Variants in APBB1IP observed in about 807,000 individuals in gnomAD.
APBB1IP encodes the protein amyloid beta A4 precursor protein-binding family B member 1-interacting protein.
APBB1IP carries 27 observed loss-of-function variants against 64.9 expected under a neutral mutation model. The ratio of observed to expected loss-of-function variants is 0.42; its 90% confidence interval spans 0.31 to 0.57. The LOEUF (loss-of-function observed/expected upper bound fraction) is 0.57, where lower values mean the gene tolerates loss of function less well. Among genes scored for constraint, APBB1IP ranks in the 20% least tolerant of loss-of-function variants. The pLI, the probability that APBB1IP is intolerant of heterozygous loss-of-function variation, is 0.20. For missense variants in APBB1IP, 812 were observed against 845.5 expected (o/e 0.96, Z 0.49); for synonymous variants, 392 against 331.0 (o/e 1.18, Z -2.00).
intron 11 of APBB1IP, among the ~76,000 whole-genome samples, chr10:26,544,541 T>G (rs1349264065): frequency 6.6e-6 from 1 of 152,108 alleles, no homozygotes; most frequent in Non-Finnish European, 1.5e-5. Flanking sequence ...AGCTGGTGAT[T>G]AAATGGCCTT....
intron 2 of APBB1IP, among the ~76,000 whole-genome samples, chr10:26,443,563 T>G (rs1835360159): frequency 7.1e-6 from 1 of 140,528 alleles, no homozygotes; most frequent in Admixed American, 7.3e-5. Flanking sequence ...TTCATTCATT[T>G]TTGAGACAGG....
chr10:26,542,146 C>T (rs975161698), intron 11 of APBB1IP, among the ~76,000 whole-genome samples: 3 of 152,052 alleles, frequency 2.0e-5, no homozygotes, highest in Middle Eastern at 3.2e-3. Flanking sequence ...TAGGTATTAT[C>T]AAATGTTAGA....
chr10:26,527,944 G>A (rs1187610262), intron 8 of APBB1IP, among the ~76,000 whole-genome samples: 1 of 152,044 alleles, frequency 6.6e-6, no homozygotes, highest in African/African-American at 2.4e-5. Flanking sequence ...CAACAGCCTT[G>A]GCCTCTCAAA....
chr10:26,442,800 C>T (rs1183828763), intron 2 of APBB1IP, among the ~76,000 whole-genome samples: 1 of 152,144 alleles, frequency 6.6e-6, no homozygotes, highest in Non-Finnish European at 1.5e-5. Context: ...TAACATTTCC[C>T]CATTTCCCAG....
intron 3 of APBB1IP, among the ~76,000 whole-genome samples, chr10:26,493,977 C>G (rs1383251401): frequency 2.0e-5 from 3 of 152,092 alleles, no homozygotes. Flanking sequence ...GCAGGGACTA[C>G]AGGTGCACGC....
intron 2 of APBB1IP, among the ~76,000 whole-genome samples, chr10:26,467,905 A>G (rs1319422048): frequency 6.6e-6 from 1 of 152,180 alleles, no homozygotes; most frequent in Non-Finnish European, 1.5e-5. Context: ...TATGAGATTT[A>G]TGTACTAACT....
At chr10:26,555,935 A>G (rs1836889691) in intron 11 of APBB1IP, among the ~76,000 whole-genome samples, 1 of 152,098 alleles carries the variant, frequency 6.6e-6, no homozygotes. Context: ...GAATTAGCAT[A>G]TTTCTTGGCA....
intron 4 of APBB1IP, 80 bp from the exon 5 acceptor site, chr10:26,500,739 T>C: frequency 7.4e-7 from 1 of 1,352,424 alleles, no homozygotes; most frequent in Non-Finnish European, 1.0e-6. Context: ...TACTCAAATA[T>C]TATGCTTAAA....
At chr10:26,484,494 A>T (rs1835869859) in intron 2 of APBB1IP, among the ~76,000 whole-genome samples, 4 of 152,086 alleles carry the variant, frequency 2.6e-5, no homozygotes, top group African/African-American at 9.7e-5. Context: ...TAGTAGAGAC[A>T]GGGTTTCACC....
chr10:26,562,001 ATT>A (rs1388601840), intron 13 of APBB1IP: 1 of 190,188 alleles, frequency 5.3e-6, no homozygotes, highest in Non-Finnish European at 1.1e-5. Context: ...AGTAAAACAT[ATT>A]GTTACTCTCC....
At chr10:26,520,267 A>G (rs550573815) in intron 8 of APBB1IP, among the ~76,000 whole-genome samples, 1 of 152,228 alleles carries the variant, frequency 6.6e-6, no homozygotes, top group African/African-American at 2.4e-5. Context: ...GGACTTTCCA[A>G]CCTCCAGAAC....
chr10:26,481,128 G>T (rs1835829913), intron 2 of APBB1IP, among the ~76,000 whole-genome samples: 1 of 152,088 alleles, frequency 6.6e-6, no homozygotes, highest in African/African-American at 2.4e-5. Context: ...CAACCCGTGG[G>T]CATCCAAGTG....
At chr10:26,517,312 T>C (rs1836344613) in intron 8 of APBB1IP, among the ~76,000 whole-genome samples, 1 of 152,110 alleles carries the variant, frequency 6.6e-6, no homozygotes, top group Non-Finnish European at 1.5e-5. Flanking sequence ...ATTCAGGGAG[T>C]TGCAGCGGCC....
chr10:26,524,939 TTC>T (rs1227291552), intron 8 of APBB1IP, among the ~76,000 whole-genome samples: 16 of 141,460 alleles, frequency 1.1e-4, no homozygotes, highest in African/African-American at 3.1e-4. Context: ...TTCTTTTTCT[TTC>T]TCTTTCTTTC....
intron 2 of APBB1IP, among the ~76,000 whole-genome samples, chr10:26,450,520 G>C (rs182125699): frequency 6.6e-6 from 1 of 152,068 alleles, no homozygotes; most frequent in African/African-American, 2.4e-5. Flanking sequence ...ATAGTCCATA[G>C]GTAGATGATA....
In APBB1IP at chr10:26,526,844, A is replaced by G. The variant is rs546296430; in HGVS notation, c.814-6595A>G. ...CTCTTTAACAATAATCACTATTGAT[A>G]TTTTAGGCAACTTTTATTCCACAGA... On this transcript the variant is annotated intron_variant, in intron 8 of 14. Coordinates refer to ENST00000376236, the MANE Select transcript of APBB1IP (RefSeq NM_019043.4). Among the ~76,000 whole-genome samples, 6 of 152,350 alleles carry G rather than the reference A, an allele frequency of 3.9e-5. No individual in the cohort carries two copies. The South Asian group carries it at 1.2e-3, about 32-fold the overall frequency.
chr10:26,555,908 C>A (rs919357034), intron 11 of APBB1IP, among the ~76,000 whole-genome samples: 3 of 152,170 alleles, frequency 2.0e-5, no homozygotes, highest in African/African-American at 7.2e-5. Context: ...CTCTCTTACT[C>A]CTCTTAATGT....
intron 2 of APBB1IP, among the ~76,000 whole-genome samples, chr10:26,452,833 A>G (rs1212621969): frequency 6.6e-6 from 1 of 152,072 alleles, no homozygotes; most frequent in Non-Finnish European, 1.5e-5. Context: ...GTAGCCTCCA[A>G]TGTCTATTTT....
intron 2 of APBB1IP, among the ~76,000 whole-genome samples, chr10:26,469,258 CTTTT>C (rs386361721): frequency 7.1e-5 from 8 of 112,940 alleles, no homozygotes; most frequent in Admixed American, 2.0e-4. Flanking sequence ...CTTTTCTTTT[CTTTT>C]TTTTTTTTTT....
Sources: allele counts gnomAD v4.1 joint callset (sites outside exome capture counted in the v4.1 genomes callset), GRCh38; gene constraint gnomAD v4.1.1; transcripts MANE v1.5; gene names NCBI Gene and HGNC (gene_info 2026-07-23, HGNC 2026-07-21).